Variants in AGBL1 observed in about 807,000 individuals in gnomAD.
The protein encoded by AGBL1 is AGBL carboxypeptidase 1.
A neutral mutation model predicts 118.9 loss-of-function variants in AGBL1; 130 were observed. That is an observed-to-expected ratio of 1.09 (90% CI 0.95 to 1.26). The LOEUF (loss-of-function observed/expected upper bound fraction) is 1.26. AGBL1 is among the 50% of genes most tolerant of loss of function. The pLI is 0.00. For synonymous variants in AGBL1, 555 were observed against 478.9 expected, an observed-to-expected ratio of 1.16 and a Z score of -2.08; for missense variants, 1,584 against 1,298.1, an observed-to-expected ratio of 1.22 and a Z score of -3.38.
intron 22 of AGBL1, among the ~76,000 whole-genome samples, chr15:86,861,613 G>A (rs962726344): frequency 6.6e-6 from 1 of 152,118 alleles, no homozygotes; most frequent in South Asian, 2.1e-4. Context: ...GCATAATGAT[G>A]TTATCTACTT....
At chr15:86,180,005 C>G (rs1019115778) in intron 5 of AGBL1, among the ~76,000 whole-genome samples, 3 of 151,942 alleles carry the variant, frequency 2.0e-5, no homozygotes, top group African/African-American at 7.2e-5. Flanking sequence ...TGTAAAAGAC[C>G]TGTACACTGC....
chr15:86,285,963 C>T (rs149910845), intron 16 of AGBL1, among the ~76,000 whole-genome samples: 284 of 152,110 alleles, frequency 1.9e-3, no homozygotes, highest in African/African-American at 5.1e-3. Context: ...AACCTGCTTC[C>T]GCATATCTGA....
At chr15:86,462,913 G>T (rs2082352132) in intron 18 of AGBL1, among the ~76,000 whole-genome samples, 1 of 152,316 alleles carries the variant, frequency 6.6e-6, no homozygotes, top group South Asian at 2.1e-4. Context: ...ACATGTGCAT[G>T]TGTATTTATA....
intron 23 of AGBL1, among the ~76,000 whole-genome samples, chr15:86,942,913 T>C (rs1182832640): frequency 6.6e-6 from 1 of 152,232 alleles, no homozygotes; most frequent in Non-Finnish European, 1.5e-5. Context: ...TTTTGTATTA[T>C]TTCCTTCTAA....
intron 22 of AGBL1, among the ~76,000 whole-genome samples, chr15:86,866,782 G>A (rs2079636960): frequency 6.6e-6 from 1 of 152,216 alleles, no homozygotes; most frequent in Non-Finnish European, 1.5e-5. Context: ...AACCTGGGAG[G>A]CAGAGGTTGC....
At chr15:86,806,703 G>A (rs991805496) in intron 22 of AGBL1, among the ~76,000 whole-genome samples, 13 of 151,738 alleles carry the variant, frequency 8.6e-5, no homozygotes, top group African/African-American at 2.4e-4. Flanking sequence ...ATGTATAAAA[G>A]CACTCATAAG....
chr15:86,799,220 C>A (rs2078616642), intron 22 of AGBL1, among the ~76,000 whole-genome samples: 2 of 151,808 alleles, frequency 1.3e-5, no homozygotes, highest in African/African-American at 2.4e-5. Context: ...GGTACATGTG[C>A]ACAATGTGCA....
At chr15:86,917,595 G>A (rs912831613), downstream of AGBL1, among the ~76,000 whole-genome samples, 11 of 152,180 alleles carry the variant, frequency 7.2e-5, no homozygotes, top group Non-Finnish European at 1.6e-4. The surrounding 1 kb of genome is among the most constrained non-coding windows in gnomAD (Gnocchi z 4.8). Flanking sequence ...CTACAACCTT[G>A]TTCCAGGCCT....
At chr15:86,254,321 T>G (rs2078861590) in intron 7 of AGBL1, among the ~76,000 whole-genome samples, 1 of 152,224 alleles carries the variant, frequency 6.6e-6, no homozygotes, top group African/African-American at 2.4e-5. Flanking sequence ...TGTTATTATC[T>G]CCACTTTGCA....
intron 18 of AGBL1, among the ~76,000 whole-genome samples, chr15:86,452,342 C>T (rs2082204773): frequency 6.6e-6 from 1 of 152,192 alleles, no homozygotes; most frequent in Admixed American, 6.5e-5. Flanking sequence ...GGACACTTGT[C>T]TCAGAAAAAT....
chr15:86,989,667 T>A (rs896466927), intron 24 of AGBL1, among the ~76,000 whole-genome samples: 1 of 152,206 alleles, frequency 6.6e-6, no homozygotes, highest in East Asian at 1.9e-4. Context: ...ATTATTTTTT[T>A]AAAACTAAGC....
intron 21 of AGBL1, among the ~76,000 whole-genome samples, chr15:86,635,583 A>T (rs1273395904): frequency 6.6e-6 from 1 of 151,880 alleles, no homozygotes; most frequent in East Asian, 1.9e-4. Context: ...TGTATTTGAG[A>T]GTTGTCTTGT....
chr15:86,784,912 T>C (rs1402293378), intron 22 of AGBL1, among the ~76,000 whole-genome samples: 11 of 152,168 alleles, frequency 7.2e-5, no homozygotes, highest in Admixed American at 7.2e-4. Context: ...TAAATCAAGT[T>C]ATTCAAAATA....
intron 17 of AGBL1, among the ~76,000 whole-genome samples, chr15:86,327,561 T>G (rs138536922): frequency 4.6e-5 from 7 of 152,348 alleles, no homozygotes; most frequent in African/African-American, 1.7e-4. Flanking sequence ...CAATAAATCT[T>G]AGGCATATGT....
chr15:86,925,661 T>C (rs1567243292), intron 23 of AGBL1, among the ~76,000 whole-genome samples: 1 of 151,872 alleles, frequency 6.6e-6, no homozygotes, highest in African/African-American at 2.4e-5. Flanking sequence ...CTCTCATTGA[T>C]GGGAGTTTTT....
At chr15:86,743,799 C>T (rs974206211) in intron 22 of AGBL1, among the ~76,000 whole-genome samples, 2 of 152,002 alleles carry the variant, frequency 1.3e-5, no homozygotes, top group African/African-American at 2.4e-5. Context: ...GTTGACTGCC[C>T]TAGTCTAACC....
At chr15:86,789,149 C>T (rs939078145) in intron 22 of AGBL1, among the ~76,000 whole-genome samples, 9 of 152,208 alleles carry the variant, frequency 5.9e-5, no homozygotes, top group African/African-American at 2.2e-4. Flanking sequence ...TCCTACAAGC[C>T]ACTGCCTGCA....
At chr15:86,939,472 A>G (rs2080719443) in intron 23 of AGBL1, among the ~76,000 whole-genome samples, 1 of 151,966 alleles carries the variant, frequency 6.6e-6, no homozygotes, top group Non-Finnish European at 1.5e-5. Context: ...TGGCTTCCCT[A>G]CTCTTGAGAT....
intron 18 of AGBL1, among the ~76,000 whole-genome samples, chr15:86,495,279 C>T (rs539823219): frequency 1.3e-5 from 2 of 151,106 alleles, no homozygotes; most frequent in East Asian, 2.0e-4. Flanking sequence ...ACAAACACAC[C>T]CCATTCCAAG....
Sources: gnomAD v4.1 joint callset for allele counts (sites outside exome capture counted in the v4.1 genomes callset) on GRCh38, gnomAD v4.1.1 for gene constraint, Gnocchi (gnomAD v3.1) non-coding constraint, MANE v1.5 for transcripts, NCBI Gene and HGNC (gene_info 2026-07-23, HGNC 2026-07-21) for gene names.